PPFIA2: variants seen among roughly 807,000 people sequenced by gnomAD.
The protein encoded by PPFIA2 is PPFI scaffold protein A2.
PPFIA2 carries 46 observed loss-of-function variants against 175.5 expected under a neutral mutation model. The observed-to-expected ratio is 0.26, with a 90% CI of 0.21 to 0.34. The LOEUF is 0.34. Ranked by LOEUF, PPFIA2 falls within the 10% of genes least tolerant of loss-of-function variation. PPFIA2 has a pLI of 1.00. For synonymous variants in PPFIA2, 568 were observed against 511.4 expected (o/e 1.11, Z -1.49); for missense variants, 1,179 against 1,506.1 (o/e 0.78, Z 3.60).
At chr12:81,312,967 T>C (rs2051315190) in intron 22 of PPFIA2, among the ~76,000 whole-genome samples, 1 of 152,220 alleles carries the variant, frequency 6.6e-6, no homozygotes, top group South Asian at 2.1e-4. Context: ...TTTGTGTCTA[T>C]TGTGGCTCTT....
chr12:81,719,117 T>C (rs1596774839), intron 3 of PPFIA2, among the ~76,000 whole-genome samples: 1 of 151,764 alleles, frequency 6.6e-6, no homozygotes, highest in East Asian at 1.9e-4. Flanking sequence ...TGCATATGAA[T>C]TCCCATTAAC....
At chr12:81,728,678 T>C (rs894208445) in intron 3 of PPFIA2, among the ~76,000 whole-genome samples, 13 of 151,502 alleles carry the variant, frequency 8.6e-5, no homozygotes, top group Non-Finnish European at 1.9e-4. Context: ...TACTGTTGTT[T>C]TGCAGAACCA....
At chr12:81,449,498 A>G (rs2052009294) in intron 5 of PPFIA2, among the ~76,000 whole-genome samples, 1 of 151,902 alleles carries the variant, frequency 6.6e-6, no homozygotes, top group Non-Finnish European at 1.5e-5. Flanking sequence ...CAAAAAAAAA[A>G]AAACAAAAAA....
intron 5 of PPFIA2, among the ~76,000 whole-genome samples, chr12:81,457,227 G>T (rs574145009): frequency 6.6e-6 from 1 of 151,284 alleles, no homozygotes; most frequent in Non-Finnish European, 1.5e-5. Context: ...TAGGTGATCC[G>T]CCTGCCTTGG....
intron 4 of PPFIA2, among the ~76,000 whole-genome samples, chr12:81,601,825 A>G (rs61937279): frequency 6.6e-5 from 10 of 151,948 alleles, no homozygotes; most frequent in Non-Finnish European, 7.4e-5. Context: ...AGAGATTTAA[A>G]TTACAGTACC....
chr12:81,508,693 C>A (rs956867845), intron 4 of PPFIA2, among the ~76,000 whole-genome samples: 14 of 150,766 alleles, frequency 9.3e-5, no homozygotes, highest in African/African-American at 3.4e-4. Context: ...ATACATGTGC[C>A]TTGCTGGTGC....
intron 20 of PPFIA2, among the ~76,000 whole-genome samples, chr12:81,340,369 T>C (rs1162502548): frequency 1.3e-5 from 2 of 152,090 alleles, no homozygotes. Flanking sequence ...TTTGGTTATA[T>C]TAATTATGTG....
chr12:81,685,476 C>G (rs147169707), intron 3 of PPFIA2, among the ~76,000 whole-genome samples: 1 of 152,052 alleles, frequency 6.6e-6, no homozygotes, highest in Non-Finnish European at 1.5e-5. Flanking sequence ...CAGCCTGAAT[C>G]TGAATTTTCC....
At chr12:81,287,772 G>A (rs2043837641) in intron 24 of PPFIA2, among the ~76,000 whole-genome samples, 2 of 151,954 alleles carry the variant, frequency 1.3e-5, no homozygotes, top group African/African-American at 4.8e-5. Flanking sequence ...TCAGAGCAAA[G>A]CATCCCTACA....
chr12:81,278,659 T>A (rs2041243939), intron 27 of PPFIA2, among the ~76,000 whole-genome samples: 1 of 151,340 alleles, frequency 6.6e-6, no homozygotes, highest in African/African-American at 2.4e-5. Flanking sequence ...TCTGCCAAAA[T>A]AGGGACAACA....
At chr12:81,392,942 T>C (rs2040421248) in intron 8 of PPFIA2, among the ~76,000 whole-genome samples, 2 of 152,136 alleles carry the variant, frequency 1.3e-5, no homozygotes, top group South Asian at 4.1e-4. Flanking sequence ...TCACAAAATA[T>C]GTGAATGTGA....
intron 3 of PPFIA2, among the ~76,000 whole-genome samples, chr12:81,683,953 C>T (rs1299536985): frequency 6.6e-6 from 1 of 151,982 alleles, no homozygotes; most frequent in Non-Finnish European, 1.5e-5. Context: ...ACAACCAGCT[C>T]TCATGGGAAC....
intron 4 of PPFIA2, among the ~76,000 whole-genome samples, chr12:81,521,320 C>A (rs1212505279): frequency 6.6e-6 from 1 of 151,964 alleles, no homozygotes. Flanking sequence ...TAGTAACTGT[C>A]GTGAGTGATA....
chr12:81,599,402 C>T (rs1325382275), intron 4 of PPFIA2, among the ~76,000 whole-genome samples: 1 of 151,944 alleles, frequency 6.6e-6, no homozygotes, highest in Non-Finnish European at 1.5e-5. Context: ...ATCCTCAATT[C>T]TTTAGATGGG....
intron 4 of PPFIA2, among the ~76,000 whole-genome samples, chr12:81,628,590 C>A (rs1459914820): frequency 2.0e-5 from 3 of 151,844 alleles, no homozygotes; most frequent in Admixed American, 2.0e-4. Context: ...TGTTGGCCAG[C>A]CTGGTTTCGA....
At position 81,347,655 on chromosome 12, in the gene PPFIA2, T is replaced by G. The variant is rs1304417711; in HGVS notation, c.2110A>C (p.Ile704Leu). The stretch of plus-strand genomic sequence containing the variant: ...GATGAAGCTGTAACAGAGGCAGTAA[T>G]GGAGGTACCTGGGTGGACCCTTGCC... Reference protein sequence around the residue: ...NLARVHPGTSITASVTASSLA... With the variant: ...NLARVHPGTSLTASVTASSLA... The change falls in exon 18 of 33, where the codon ATT becomes CTT. Residue 704 changes from isoleucine (I) to leucine (L), a missense_variant. Ile to Leu is a conservative substitution (Grantham distance 5). Coordinates refer to ENST00000549396, the MANE Select transcript of PPFIA2 (RefSeq NM_003625.5). The G allele has an allele frequency of 6.2e-7, 1 of 1,613,824 alleles. No individual in the cohort carries two copies. Among genetic ancestry groups the G allele is most frequent in the Non-Finnish European group, 8.5e-7 (1 of 1,179,808 alleles).
chr12:81,635,594 G>A (rs2063895875), intron 4 of PPFIA2, among the ~76,000 whole-genome samples: 2 of 152,132 alleles, frequency 1.3e-5, no homozygotes, highest in Admixed American at 1.3e-4. Context: ...GAAATCACCT[G>A]GAGGTGTCTT....
intron 7 of PPFIA2, among the ~76,000 whole-genome samples, chr12:81,407,573 T>C (rs1318532267): frequency 6.6e-6 from 1 of 152,134 alleles, no homozygotes; most frequent in Non-Finnish European, 1.5e-5. Flanking sequence ...CCAGCTTATT[T>C]AGCCAAAATT....
At chr12:81,728,933 C>A (rs914175349) in intron 3 of PPFIA2, among the ~76,000 whole-genome samples, 2 of 151,344 alleles carry the variant, frequency 1.3e-5, no homozygotes, top group African/African-American at 4.8e-5. Context: ...TAAGGAAATT[C>A]TCAACTCATC....
Sources: allele counts gnomAD v4.1 joint callset (sites outside exome capture counted in the v4.1 genomes callset), GRCh38; gene constraint gnomAD v4.1.1; transcripts MANE v1.5; gene names NCBI Gene and HGNC (gene_info 2026-07-23, HGNC 2026-07-21).